LINGO2: variants seen among roughly 807,000 people sequenced by gnomAD.
LINGO2 encodes leucine rich repeat and Ig domain containing 2.
Under a neutral mutation model 30.6 loss-of-function variants are expected in LINGO2, and 14 were observed. The observed-to-expected ratio is 0.46, with a 90% CI of 0.30 to 0.72. The LOEUF is 0.72. LINGO2 is among the 30% of genes least tolerant of loss of function. The pLI, the probability that LINGO2 is intolerant of heterozygous loss-of-function variation, is 0.07. For synonymous variants in LINGO2, 317 were observed against 288.5 expected, an observed-to-expected ratio of 1.10 and a Z score of -1.00; for missense variants, 729 against 751.7, an observed-to-expected ratio of 0.97 and a Z score of 0.35.
chr9:28,706,990 C>T, the LINGO2 span, among the ~76,000 whole-genome samples: 5 of 152,040 alleles, frequency 3.3e-5, no homozygotes, highest in Non-Finnish European at 7.4e-5. Context: ...TTAATCATTC[C>T]TCCCTACTCC....
chr9:28,943,371 GAA>G, the LINGO2 span, among the ~76,000 whole-genome samples: 2 of 149,520 alleles, frequency 1.3e-5, no homozygotes, highest in East Asian at 2.0e-4. Context: ...TGCTACAGAT[GAA>G]AAAAAAAATG....
At chr9:28,249,340 G>T (rs1416755610) in intron 4 of LINGO2, among the ~76,000 whole-genome samples, 9 of 152,028 alleles carry the variant, frequency 5.9e-5, no homozygotes, top group Non-Finnish European at 1.0e-4. Context: ...TATTTGATAT[G>T]CTCAGACCAG....
At chr9:28,658,145 A>G in intron 1 of LINGO2, among the ~76,000 whole-genome samples, 1 of 152,180 alleles carries the variant, frequency 6.6e-6, no homozygotes, top group East Asian at 1.9e-4. Flanking sequence ...AAATTTATTA[A>G]GTTTTGCTTA....
chr9:29,046,061 G>T, the LINGO2 span, among the ~76,000 whole-genome samples: 60,536 of 151,954 alleles, frequency 0.4, 12,263 homozygotes, highest in East Asian at 0.54. Context: ...ATTCTAGATA[G>T]AGAATCATGT....
At chr9:28,265,543 G>T (rs553386936) in intron 4 of LINGO2, among the ~76,000 whole-genome samples, 20 of 152,068 alleles carry the variant, frequency 1.3e-4, no homozygotes, top group African/African-American at 4.8e-4. Flanking sequence ...ATTTATGTAA[G>T]AAGATATTTT....
chr9:28,152,595 C>A (rs1828031844), intron 4 of LINGO2, among the ~76,000 whole-genome samples: 1 of 152,002 alleles, frequency 6.6e-6, no homozygotes, highest in South Asian at 2.1e-4. Flanking sequence ...AAGAATGCAA[C>A]ATGTATAAAA....
At chr9:28,182,383 C>A (rs1819378881) in intron 4 of LINGO2, among the ~76,000 whole-genome samples, 1 of 152,104 alleles carries the variant, frequency 6.6e-6, no homozygotes, top group African/African-American at 2.4e-5. Context: ...CTAGGCAATA[C>A]CATTCAGGAC....
chr9:28,861,077 A>ATTATATAAATATATAAAATATATT, the LINGO2 span, among the ~76,000 whole-genome samples: 1 of 82,852 alleles, frequency 1.2e-5, no homozygotes, highest in Admixed American at 1.5e-4. Context: ...TAATATATAA[A>ATTATATAAATATATAAAATATATT]TATATAATAT....
the LINGO2 span, among the ~76,000 whole-genome samples, chr9:29,173,985 G>C: frequency 6.6e-6 from 1 of 151,790 alleles, no homozygotes; most frequent in African/African-American, 2.4e-5. Flanking sequence ...CTGTGTCAAG[G>C]AATTAGAATT....
intron 4 of LINGO2, among the ~76,000 whole-genome samples, chr9:28,099,928 A>G (rs1283927367): frequency 6.6e-6 from 1 of 152,124 alleles, no homozygotes; most frequent in Non-Finnish European, 1.5e-5. Flanking sequence ...ATTGCTGCAC[A>G]TTTTACAAGT....
intron 4 of LINGO2, among the ~76,000 whole-genome samples, chr9:28,227,305 A>G (rs910307116): frequency 3.9e-5 from 6 of 152,084 alleles, no homozygotes; most frequent in African/African-American, 9.6e-5. Flanking sequence ...ACTAAATTCC[A>G]TGGACCATGG....
At chr9:28,532,379 T>G (rs1587815082) in intron 1 of LINGO2, among the ~76,000 whole-genome samples, 1 of 152,120 alleles carries the variant, frequency 6.6e-6, no homozygotes, top group East Asian at 1.9e-4. Flanking sequence ...CTGTTTTTTG[T>G]TGTTGTTAAT....
At chr9:28,062,290 T>C (rs10812734) in intron 4 of LINGO2, among the ~76,000 whole-genome samples, 49,488 of 151,688 alleles carry the variant, frequency 0.33, 9,014 homozygotes, top group South Asian at 0.48. Flanking sequence ...CTCTTGACAT[T>C]GGAACATTTC....
At chr9:28,549,700 A>T (rs1822171680) in intron 1 of LINGO2, among the ~76,000 whole-genome samples, 1 of 151,906 alleles carries the variant, frequency 6.6e-6, no homozygotes. Context: ...AATAGTTTTA[A>T]CATATTCATT....
the LINGO2 span, among the ~76,000 whole-genome samples, chr9:28,840,592 C>T: frequency 2.6e-5 from 4 of 151,726 alleles, no homozygotes; most frequent in Non-Finnish European, 5.9e-5. Context: ...GTGCCTATAT[C>T]CTAGGATGCT....
the LINGO2 span, among the ~76,000 whole-genome samples, chr9:28,733,988 T>A: frequency 1.3e-5 from 2 of 152,162 alleles, no homozygotes; most frequent in Non-Finnish European, 2.9e-5. Context: ...CCATTATCTA[T>A]GACAGATATG....
At chr9:28,528,666 T>G (rs1266896766) in intron 1 of LINGO2, among the ~76,000 whole-genome samples, 1 of 152,146 alleles carries the variant, frequency 6.6e-6, no homozygotes, top group Non-Finnish European at 1.5e-5. Context: ...GTATTACAAA[T>G]AACTCTACAA....
At chr9:29,085,274 T>C in the LINGO2 span, among the ~76,000 whole-genome samples, 1 of 60,268 alleles carries the variant, frequency 1.7e-5, no homozygotes, top group African/African-American at 6.4e-5. Flanking sequence ...AAATAGCCTA[T>C]GGTAAGTAAA....
chr9:28,589,845 A>T (rs62560660), intron 1 of LINGO2, among the ~76,000 whole-genome samples: 5,550 of 152,114 alleles, frequency 0.036, 127 homozygotes, highest in African/African-American at 0.049. Context: ...CATTGCCAAG[A>T]CAATCCTAAG....
Sources: allele counts gnomAD v4.1 joint callset (sites outside exome capture counted in the v4.1 genomes callset), GRCh38; gene constraint gnomAD v4.1.1; transcripts MANE v1.5; gene names NCBI Gene and HGNC (gene_info 2026-07-23, HGNC 2026-07-21).